PDE11A: variants seen among roughly 807,000 people sequenced by gnomAD.
PDE11A encodes phosphodiesterase 11A.
Under a neutral mutation model 100.5 loss-of-function variants are expected in PDE11A, and 100 were observed. The observed-to-expected ratio is 1.00, with a 90% CI of 0.85 to 1.18. The LOEUF is 1.18. PDE11A is among the 50% of genes most tolerant of loss of function. PDE11A has a pLI of 0.00. For missense variants in PDE11A, 1,141 were observed against 1,152.6 expected, an observed-to-expected ratio of 0.99 and a Z score of 0.15; for synonymous variants, 381 against 420.8, an observed-to-expected ratio of 0.91 and a Z score of 1.16.
intron 2 of PDE11A, among the ~76,000 whole-genome samples, chr2:177,991,349 T>C (rs2086001788): frequency 7.3e-6 from 1 of 137,362 alleles, no homozygotes; most frequent in African/African-American, 2.8e-5. Flanking sequence ...AAATATAATA[T>C]ATTGGGCCGG....
At chr2:177,835,942 G>A (rs908472424) in intron 6 of PDE11A, among the ~76,000 whole-genome samples, 2 of 152,198 alleles carry the variant, frequency 1.3e-5, no homozygotes, top group African/African-American at 4.8e-5. Context: ...AGCCTGCCAT[G>A]CCTGAGCCTC....
At chr2:177,750,094 T>C (rs551195596) in intron 10 of PDE11A, among the ~76,000 whole-genome samples, 1 of 152,342 alleles carries the variant, frequency 6.6e-6, no homozygotes, top group South Asian at 2.1e-4. Flanking sequence ...AGTTAGTACA[T>C]CGTTAATTTC....
chr2:177,638,604 T>C (rs1333281917), intron 19 of PDE11A, among the ~76,000 whole-genome samples: 1 of 152,246 alleles, frequency 6.6e-6, no homozygotes, highest in Non-Finnish European at 1.5e-5. Context: ...TGGATTTTTT[T>C]TCCTTTGCTT....
intron 18 of PDE11A, among the ~76,000 whole-genome samples, chr2:177,667,645 G>A (rs1015894006): frequency 1.3e-5 from 2 of 152,136 alleles, no homozygotes; most frequent in Admixed American, 1.3e-4. Flanking sequence ...ACAGCATTTT[G>A]CATCTCATAA....
intron 18 of PDE11A, among the ~76,000 whole-genome samples, chr2:177,664,597 A>G (rs1343852064): frequency 6.6e-6 from 1 of 152,192 alleles, no homozygotes; most frequent in Non-Finnish European, 1.5e-5. Context: ...TTTGGGAAAA[A>G]TAAATGACAT....
chr2:178,049,832 T>C (rs13024254), intron 1 of PDE11A, among the ~76,000 whole-genome samples: 18,052 of 151,868 alleles, frequency 0.12, 1,348 homozygotes, highest in Non-Finnish European at 0.16. Flanking sequence ...GAGGCTTGAG[T>C]AGGTAAACAA....
chr2:178,068,019 A>C (rs976795037), intron 1 of PDE11A, among the ~76,000 whole-genome samples: 2 of 152,064 alleles, frequency 1.3e-5, no homozygotes, highest in Non-Finnish European at 2.9e-5. Context: ...ACAAAAATTC[A>C]CCTCACGATT....
intron 1 of PDE11A, among the ~76,000 whole-genome samples, chr2:178,015,122 T>C (rs1258181411): frequency 6.6e-6 from 1 of 152,168 alleles, no homozygotes; most frequent in Non-Finnish European, 1.5e-5. Flanking sequence ...AGTCTCAAAG[T>C]GCCACACCCA....
intron 19 of PDE11A, among the ~76,000 whole-genome samples, chr2:177,635,183 A>G (rs112440100): frequency 0.014 from 2,206 of 152,200 alleles, 22 homozygotes; most frequent in South Asian, 0.045. Context: ...TGAAATCTAT[A>G]CCCCTGTAAC....
intron 5 of PDE11A, among the ~76,000 whole-genome samples, chr2:177,845,053 G>GCTCAC (rs2083558784): frequency 6.6e-6 from 1 of 151,858 alleles, no homozygotes; most frequent in South Asian, 2.1e-4. Flanking sequence ...GAGCTGTTGG[G>GCTCAC]CACACCTCCC....
intron 2 of PDE11A, among the ~76,000 whole-genome samples, chr2:177,945,948 A>C (rs2085416989): frequency 7.8e-6 from 1 of 128,092 alleles, no homozygotes; most frequent in Non-Finnish European, 1.7e-5. Context: ...GCCCGCCCCT[A>C]CTGGGAAGTG....
At chr2:177,800,815 C>T (rs977139043) in intron 9 of PDE11A, among the ~76,000 whole-genome samples, 7 of 152,144 alleles carry the variant, frequency 4.6e-5, no homozygotes, top group African/African-American at 1.4e-4. Flanking sequence ...AGCCTAGTAA[C>T]TAAATATTAG....
chr2:177,820,180 T>C (rs2083115107), intron 7 of PDE11A, 40 bp downstream of exon 7: 2 of 1,064,312 alleles, frequency 1.9e-6, no homozygotes, highest in East Asian at 4.7e-5. Flanking sequence ...AACTTCTGTT[T>C]CTTTATTCAA....
chr2:177,662,982 A>G (rs1294120511), intron 19 of PDE11A, among the ~76,000 whole-genome samples: 2 of 152,150 alleles, frequency 1.3e-5, no homozygotes, highest in African/African-American at 4.8e-5. Context: ...TAGGGTGAGG[A>G]ACTAAAGAGC....
chr2:177,958,642 A>G (rs935027510), intron 2 of PDE11A, among the ~76,000 whole-genome samples: 3 of 152,236 alleles, frequency 2.0e-5, no homozygotes, highest in African/African-American at 7.2e-5. Flanking sequence ...GAGAAATGCT[A>G]AAACCTCAAG....
At chr2:177,729,942 G>C (rs75161225) in intron 10 of PDE11A, among the ~76,000 whole-genome samples, 1 of 151,414 alleles carries the variant, frequency 6.6e-6, no homozygotes, top group Admixed American at 6.6e-5. Flanking sequence ...TATTTTAAAG[G>C]CTTATCATTA....
At chr2:177,680,962 T>C in intron 15 of PDE11A, 59 bp from the exon 16 acceptor site, 2 of 905,588 alleles carry the variant, frequency 2.2e-6, no homozygotes, top group Non-Finnish European at 3.6e-6. Context: ...GATTTCCCAG[T>C]CTGTGGGGTG....
At chr2:177,673,990 G>C (rs2080727296) in intron 17 of PDE11A, among the ~76,000 whole-genome samples, 1 of 152,158 alleles carries the variant, frequency 6.6e-6, no homozygotes, top group Admixed American at 6.5e-5. Context: ...CCATGTTCGT[G>C]AGCAATTTGT....
chr2:177,881,142 T>C (rs2084327548), intron 4 of PDE11A, among the ~76,000 whole-genome samples: 1 of 152,178 alleles, frequency 6.6e-6, no homozygotes, highest in Non-Finnish European at 1.5e-5. Context: ...TTGTTTGAGC[T>C]AGGACATCCA....
Sources: gnomAD v4.1 joint callset for allele counts (sites outside exome capture counted in the v4.1 genomes callset) on GRCh38, gnomAD v4.1.1 for gene constraint, MANE v1.5 for transcripts, NCBI Gene and HGNC (gene_info 2026-07-23, HGNC 2026-07-21) for gene names.